The following FGF13 variants were observed in gnomAD, a reference collection of about 807,000 sequenced individuals.
FGF13 encodes fibroblast growth factor 13, also known as fibroblast growth factor homologous factor 2.
In FGF13, 2 loss-of-function variants were observed where a neutral mutation model predicts 19.5. That is an observed-to-expected ratio of 0.10 (90% CI 0.04 to 0.32). FGF13 has a LOEUF of 0.32. FGF13 is among the 10% of genes least tolerant of loss of function. The pLI is 1.00. For missense variants in FGF13, 113 were observed against 192.7 expected, an observed-to-expected ratio of 0.59 and a Z score of 2.45; for synonymous variants, 72 against 76.9, an observed-to-expected ratio of 0.94 and a Z score of 0.33.
chrX:138,819,469 A>T (rs1164232251), intron 3 of FGF13, among the ~76,000 whole-genome samples: 1 of 111,474 alleles, frequency 9.0e-6, no homozygotes, highest in Non-Finnish European at 1.9e-5. Flanking sequence ...CAGCTCTTGT[A>T]CTTTTTGCTT....
chrX:139,040,189 C>G (rs1256592001), intron 1 of FGF13, among the ~76,000 whole-genome samples: 1 of 112,167 alleles, frequency 8.9e-6, no homozygotes, highest in Non-Finnish European at 1.9e-5. Context: ...GTTTTCACAG[C>G]TGAGGAAAGT....
intron 1 of FGF13, among the ~76,000 whole-genome samples, chrX:138,977,791 C>T (rs1435235654): frequency 2.7e-5 from 3 of 111,720 alleles, no homozygotes; most frequent in African/African-American, 3.3e-5. Context: ...ACAGTCTTAC[C>T]GTCACTGTTC....
intron 1 of FGF13, among the ~76,000 whole-genome samples, chrX:139,199,343 T>C (rs1490729144): frequency 9.0e-6 from 1 of 111,645 alleles, no homozygotes; most frequent in Non-Finnish European, 1.9e-5. Context: ...ACAATTATTG[T>C]CCATTCTTTT....
intron 1 of FGF13, among the ~76,000 whole-genome samples, chrX:139,122,994 C>A (rs935274869): frequency 1.8e-5 from 2 of 111,601 alleles, no homozygotes; most frequent in African/African-American, 6.5e-5. Context: ...CCTGTAGCAA[C>A]CCTGCACCCA....
intron 1 of FGF13, among the ~76,000 whole-genome samples, chrX:139,137,838 C>T (rs5974796): frequency 0.17 from 19,342 of 111,485 alleles, 1,357 homozygotes; most frequent in East Asian, 0.28. Context: ...AATGGTCACA[C>T]GGCCAGTTCA....
intron 1 of FGF13, among the ~76,000 whole-genome samples, chrX:138,931,955 C>T (rs931501947): frequency 2.7e-5 from 3 of 111,111 alleles, no homozygotes; most frequent in Non-Finnish European, 5.6e-5. Context: ...GTCCATTCCC[C>T]AACAGCTTAG....
At chrX:139,003,600 G>A (rs1246143083) in intron 1 of FGF13, among the ~76,000 whole-genome samples, 2 of 82,030 alleles carry the variant, frequency 2.4e-5, no homozygotes, top group East Asian at 4.0e-4. Context: ...GGTTCTCCAA[G>A]TCCCCATCAG....
intron 1 of FGF13, among the ~76,000 whole-genome samples, chrX:139,033,724 C>A (rs759791537): frequency 8.9e-6 from 1 of 111,884 alleles, no homozygotes; most frequent in East Asian, 2.8e-4. Flanking sequence ...CCTTCCACTT[C>A]TACACCAAAT....
chrX:138,836,100 C>T (rs2091111115), intron 3 of FGF13, among the ~76,000 whole-genome samples: 1 of 111,166 alleles, frequency 9.0e-6, no homozygotes, highest in South Asian at 3.8e-4. Flanking sequence ...GCCTTTCTCT[C>T]TAGCTGCCTG....
chrX:138,714,089 T>C (rs1277728917), upstream of FGF13: 1 of 111,629 alleles, frequency 9.0e-6, no homozygotes, highest in East Asian at 2.8e-4. Context: ...AAGATATTTC[T>C]GTCTTTTTAT....
chrX:138,887,722 T>C (rs1421273396), intron 1 of FGF13, among the ~76,000 whole-genome samples: 1 of 112,056 alleles, frequency 8.9e-6, no homozygotes, highest in Non-Finnish European at 1.9e-5. Flanking sequence ...GAGTCCCAAC[T>C]TATGCATTCA....
chrX:139,176,225 T>C (rs2084182559), intron 1 of FGF13, among the ~76,000 whole-genome samples: 1 of 111,778 alleles, frequency 8.9e-6, no homozygotes, highest in South Asian at 3.7e-4. Flanking sequence ...GTAGTTTATG[T>C]TTCTGTGGGA....
intron 1 of FGF13, among the ~76,000 whole-genome samples, chrX:138,984,531 A>G (rs1189233424): frequency 4.4e-5 from 1 of 22,914 alleles, no homozygotes; most frequent in Non-Finnish European, 8.2e-5. Context: ...GAGGAAGAAG[A>G]AGAAGAAGAA....
intron 3 of FGF13, among the ~76,000 whole-genome samples, chrX:138,852,214 C>A (rs769245531): frequency 1.2e-4 from 13 of 111,610 alleles, no homozygotes; most frequent in Non-Finnish European, 2.3e-4. Context: ...TAGAAAAAAA[C>A]AATTTTACAA....
intron 1 of FGF13, among the ~76,000 whole-genome samples, chrX:139,065,551 C>T (rs2092352846): frequency 9.6e-6 from 1 of 103,676 alleles, no homozygotes; most frequent in African/African-American, 3.5e-5. Context: ...AGACTTTAAA[C>T]CAACAAAGAT....
chrX:138,955,327 C>A lies in FGF13; in HGVS notation c.-112-90677G>T, dbSNP rs189054429. On this transcript the variant is annotated intron_variant, in intron 1 of 2. Coordinates refer to the FGF13 transcript ENST00000421460. ...CATTCCCTGCCATGTTTCCTGTGTT[C>A]CCTCCGTTCAACAGGGATACAGATA... Among the ~76,000 whole-genome samples the A allele has an allele frequency of 1.3e-3, 143 of 112,165 alleles. 1 individual carries two copies. Among genetic ancestry groups the A allele is most frequent in the African/African-American group, 4.3e-3 (134 of 30,915 alleles).
chrX:138,719,592 C>T (rs1198096472), intron 1 of FGF13, among the ~76,000 whole-genome samples: 1 of 111,917 alleles, frequency 8.9e-6, no homozygotes, highest in Non-Finnish European at 1.9e-5. Flanking sequence ...TCTTTTCGTA[C>T]AGGAAAAACT....
intron 1 of FGF13, among the ~76,000 whole-genome samples, chrX:139,076,768 A>AT (rs2083335484): frequency 9.0e-6 from 1 of 111,694 alleles, no homozygotes; most frequent in African/African-American, 3.3e-5. Context: ...GGAAAGTTTC[A>AT]TTTTTTCTCA....
Position 138,774,417 on chromosome X carries a change from T to C in FGF13, c.218-65489A>G, listed in dbSNP as rs748261535. Among the ~76,000 whole-genome samples, 3 of 111,667 alleles carry C rather than the reference T, an allele frequency of 2.7e-5. No individual in the cohort carries two copies. In the East Asian group the frequency reaches 8.5e-4, roughly 32 times the overall value. ...CTTCAATCATATGAGGTGGGCAGTATGTGATCTCACTTGATATATGAGGAA... is the reference window on the plus strand; with the variant it reads ...CTTCAATCATATGAGGTGGGCAGTACGTGATCTCACTTGATATATGAGGAA... On this transcript the variant is annotated intron_variant, in intron 3 of 6. Transcript: ENST00000436198.
Sources: allele counts gnomAD v4.1 joint callset (sites outside exome capture counted in the v4.1 genomes callset), GRCh38; gene constraint gnomAD v4.1.1; transcripts MANE v1.5; gene names NCBI Gene and HGNC (gene_info 2026-07-23, HGNC 2026-07-21).